The following MTRF1 variants were observed in gnomAD, a reference collection of about 807,000 sequenced individuals.
The protein encoded by MTRF1 is peptide chain release factor 1, mitochondrial.
MTRF1 carries 51 observed loss-of-function variants against 62.9 expected under a neutral mutation model. The ratio of observed to expected loss-of-function variants is 0.81; its 90% CI spans 0.65 to 1.02. The LOEUF (loss-of-function observed/expected upper bound fraction) is 1.02. MTRF1 is among the 50% of genes least tolerant of loss of function. The probability of loss-of-function intolerance (pLI) is 0.00; values close to 1 mark genes in which losing one functional copy is unlikely to be tolerated. For synonymous variants in MTRF1, 158 were observed against 181.9 expected (o/e 0.87, Z 1.06); for missense variants, 446 against 530.0 (o/e 0.84, Z 1.56).
chr13:41,290,462 C>T, the MTRF1 span, among the ~76,000 whole-genome samples: 1 of 150,754 alleles, frequency 6.6e-6, no homozygotes, highest in Non-Finnish European at 1.5e-5. Flanking sequence ...GGCACAATCT[C>T]GGCTCACTGC....
At position 41,252,772 on chromosome 13, in the gene MTRF1, A is replaced by G. The variant is rs1212453155; in HGVS notation, c.590-20T>C. On this transcript the variant is annotated intron_variant, in intron 4 of 9. Transcript: ENST00000379480. ...TGTCACCTAAAACAAAATACGAAAA[A>G]TATTTAGTCAGGACAAATTTCGGAA... 2 of 1,605,812 alleles carry G rather than the reference A, an allele frequency of 1.2e-6. No homozygotes were observed. Among genetic ancestry groups the G allele is most frequent in the South Asian group, 1.1e-5 (1 of 90,794 alleles).
chr13:41,282,530 A>G, the MTRF1 span, among the ~76,000 whole-genome samples: 1 of 152,194 alleles, frequency 6.6e-6, no homozygotes, highest in Non-Finnish European at 1.5e-5. Context: ...TCATTTCCCT[A>G]ATTTCCCTTA....
At chr13:41,225,601 T>C (rs2034261225) in intron 8 of MTRF1, among the ~76,000 whole-genome samples, 1 of 151,944 alleles carries the variant, frequency 6.6e-6, no homozygotes, top group Non-Finnish European at 1.5e-5. Flanking sequence ...AATGCTTAGG[T>C]TTAGACAATT....
At chr13:41,283,868 C>T in the MTRF1 span, among the ~76,000 whole-genome samples, 3 of 152,068 alleles carry the variant, frequency 2.0e-5, no homozygotes, top group East Asian at 1.9e-4. Context: ...TGAGCCACCG[C>T]GCCCGGCCTC....
chr13:41,307,868 G>A, the MTRF1 span, among the ~76,000 whole-genome samples: 1 of 152,176 alleles, frequency 6.6e-6, no homozygotes, highest in African/African-American at 2.4e-5. Context: ...TGTGTATGGT[G>A]TGTGAAAGAC....
chr13:41,295,586 A>G, the MTRF1 span, among the ~76,000 whole-genome samples: 1 of 152,028 alleles, frequency 6.6e-6, no homozygotes, highest in Non-Finnish European at 1.5e-5. Context: ...TTTACATTTT[A>G]TCGAGATAAT....
rs541608868 is a variant in MTRF1, at chr13:41,256,144, C to T, written c.416-1524G>A. Among the ~76,000 whole-genome samples the T allele has an allele frequency of 5.3e-5, 8 of 152,248 alleles. No homozygotes were observed. In the South Asian group the frequency reaches 1.2e-3, roughly 24 times the overall value. On this transcript the variant is annotated intron_variant, in intron 2 of 9. Transcript: ENST00000379480. ...GACAACGAAGAAAAAAACATGGCTT[C>T]AGGCCTCAAGTGGCCCAGTCTGGTG...
intron 8 of MTRF1, among the ~76,000 whole-genome samples, chr13:41,226,221 C>T (rs928316618): frequency 1.3e-5 from 2 of 152,190 alleles, no homozygotes; most frequent in Admixed American, 6.5e-5. Flanking sequence ...TTAGTTTATA[C>T]ATCTTACATT....
the MTRF1 span, among the ~76,000 whole-genome samples, chr13:41,288,816 C>T: frequency 2.8e-4 from 43 of 152,170 alleles, no homozygotes; most frequent in African/African-American, 8.0e-4. Context: ...CAAAATGGGT[C>T]GTAAAGCAGC....
Position 41,224,626 on chromosome 13 carries a change from G to A in MTRF1, c.1126-1272C>T, listed in dbSNP as rs866809631. Among the ~76,000 whole-genome samples the A allele has an allele frequency of 2.0e-5, 3 of 152,186 alleles. No individual in the cohort carries two copies. The South Asian group carries it at 6.2e-4, about 32-fold the overall frequency. ...TATTAATGGCCAGGACCTCACTCCA[G>A]ATCAGTTACATCAGAATCTCTGGGG... On this transcript the variant is annotated intron_variant, in intron 8 of 9. Coordinates refer to ENST00000379480, the MANE Select transcript of MTRF1 (RefSeq NM_004294.4).
chr13:41,284,517 C>G, the MTRF1 span, among the ~76,000 whole-genome samples: 5 of 148,668 alleles, frequency 3.4e-5, no homozygotes, highest in East Asian at 9.8e-4. Flanking sequence ...GCACTCCAGC[C>G]TGGGTGACAC....
the MTRF1 span, among the ~76,000 whole-genome samples, chr13:41,283,291 G>A: frequency 1.3e-5 from 2 of 152,112 alleles, no homozygotes; most frequent in South Asian, 4.1e-4. Context: ...ACTCCTCTGG[G>A]CGCTGCTGTC....
the MTRF1 span, among the ~76,000 whole-genome samples, chr13:41,299,810 A>G: frequency 9.9e-5 from 15 of 152,278 alleles, no homozygotes; most frequent in East Asian, 2.7e-3. Flanking sequence ...GAAAAGCTCT[A>G]AGGCATAATT....
the MTRF1 span, among the ~76,000 whole-genome samples, chr13:41,289,394 T>C: frequency 6.6e-6 from 1 of 152,062 alleles, no homozygotes; most frequent in Admixed American, 6.6e-5. Context: ...TGTGCCACAA[T>C]GCCTGGCTAA....
the MTRF1 span, among the ~76,000 whole-genome samples, chr13:41,288,730 A>T: frequency 1.3e-5 from 2 of 151,982 alleles, no homozygotes; most frequent in Non-Finnish European, 2.9e-5. Flanking sequence ...ACATTACTCG[A>T]TTTTTTTTGT....
chr13:41,220,626 C>A (rs990309672), intron 9 of MTRF1: 5 of 1,285,538 alleles, frequency 3.9e-6, no homozygotes, highest in Non-Finnish European at 4.1e-6. Flanking sequence ...GACTACCACC[C>A]GTGGAATGAG....
At chr13:41,221,191 C>T (rs1158496139) in intron 9 of MTRF1, among the ~76,000 whole-genome samples, 1 of 147,086 alleles carries the variant, frequency 6.8e-6, no homozygotes, top group Non-Finnish European at 1.5e-5. Flanking sequence ...GAGTCTTGCT[C>T]TGTCGCCCAG....
At chr13:41,257,861 C>T (rs1055217893) in intron 2 of MTRF1, 2 of 370,820 alleles carry the variant, frequency 5.4e-6, no homozygotes, top group Non-Finnish European at 5.7e-6. Flanking sequence ...GTTACCTGAG[C>T]ATTCAAATGA....
the MTRF1 span, among the ~76,000 whole-genome samples, chr13:41,273,802 A>C: frequency 1.3e-5 from 2 of 152,166 alleles, no homozygotes; most frequent in Non-Finnish European, 2.9e-5. Context: ...GCACCATTGC[A>C]CTCCAGCCTG....
Sources: allele counts gnomAD v4.1 joint callset (sites outside exome capture counted in the v4.1 genomes callset), GRCh38; gene constraint gnomAD v4.1.1; transcripts MANE v1.5; gene names NCBI Gene and HGNC (gene_info 2026-07-23, HGNC 2026-07-21).